Variants in HSD17B6 observed in about 807,000 individuals in gnomAD.
HSD17B6 encodes the protein hydroxysteroid 17-beta dehydrogenase 6, also known as 17-beta-hydroxysteroid dehydrogenase type 6.
HSD17B6 carries 16 observed loss-of-function variants against 26.4 expected under a neutral mutation model. The observed-to-expected ratio is 0.61, with a 90% CI of 0.41 to 0.92. HSD17B6 has a LOEUF of 0.92. HSD17B6 is among the 40% of genes least tolerant of loss of function. The probability of loss-of-function intolerance (pLI) is 0.00; values close to 1 mark genes in which losing one functional copy is unlikely to be tolerated. For missense variants in HSD17B6, 357 were observed against 386.1 expected, an observed-to-expected ratio of 0.92 and a Z score of 0.63; for synonymous variants, 139 against 153.0, an observed-to-expected ratio of 0.91 and a Z score of 0.68.
chr12:56,784,972 C>G lies in HSD17B6; in HGVS notation c.692C>G (p.Pro231Arg), dbSNP rs758900448. The change falls in exon 4 of 5, where the codon CCC becomes CGC. Residue 231 changes from proline to arginine, a missense_variant. Pro to Arg is a moderately radical substitution (Grantham distance 103). Transcript: ENST00000322165. ...ERMKQSWKEA[P>R]KHIKETYGQQ... ...ATGAAGCAAAGTTGGAAAGAAGCCC[C>G]CAAGCATATTAAGGAGACCTATGGA... The G allele has an allele frequency of 1.9e-6, 3 of 1,614,010 alleles. No individual in the cohort carries two copies. In the Admixed American group the frequency reaches 5.0e-5, roughly 27 times the overall value.
rs201098412 is a variant in HSD17B6, at chr12:56,773,968, C to T, written c.116C>T (p.Ser39Leu). 1.5e-4 allele frequency: 235 copies of T among 1,614,074 alleles called. 1 individual carries two copies. The highest frequency in any genetic ancestry group is 4.5e-4 in the East Asian group (20 of 44,890). ...DKYVFITGCD[S>L]GFGNLLARQL... The stretch of plus-strand genomic sequence containing the variant: ...TATGTCTTTATCACGGGCTGTGACT[C>T]GGGCTTTGGGAACCTGCTGGCCAGA... The change falls in exon 2 of 5, where the codon TCG becomes TTG. Residue 39 changes from serine (S) to leucine (L), a missense_variant. Coordinates refer to ENST00000322165, the MANE Select transcript of HSD17B6 (RefSeq NM_003725.4).
intron 1 of HSD17B6, among the ~76,000 whole-genome samples, chr12:56,772,797 C>G (rs1216016888): frequency 6.6e-6 from 1 of 151,604 alleles, no homozygotes; most frequent in Non-Finnish European, 1.5e-5. Flanking sequence ...GCGTAAAAAG[C>G]CTGTGCTTTG....
At chr12:56,771,932 C>T (rs146807748) in intron 1 of HSD17B6, among the ~76,000 whole-genome samples, 4 of 151,994 alleles carry the variant, frequency 2.6e-5, no homozygotes, top group African/African-American at 9.7e-5. Flanking sequence ...GTTTTATAAG[C>T]GTTTGGTAGT....
At chr12:56,782,341 T>C (rs1008893040) in intron 3 of HSD17B6, 109 bp downstream of exon 3, 24 of 1,012,610 alleles carry the variant, frequency 2.4e-5, no homozygotes, top group Non-Finnish European at 3.1e-5. Context: ...TCTTGATACA[T>C]AGATATTATT....
At chr12:56,769,955 G>C (rs955405001) in intron 1 of HSD17B6, among the ~76,000 whole-genome samples, 1 of 152,136 alleles carries the variant, frequency 6.6e-6, no homozygotes, top group Admixed American at 6.6e-5. Flanking sequence ...TCTCTAATGG[G>C]GGAAATACGT....
At chr12:56,777,820 A>AAC (rs1193912838) in intron 2 of HSD17B6, among the ~76,000 whole-genome samples, 2 of 152,164 alleles carry the variant, frequency 1.3e-5, no homozygotes, top group Non-Finnish European at 2.9e-5. Context: ...CCAGGAGTTC[A>AAC]ACACCAGCCT....
chr12:56,780,950 C>T (rs1248848671), intron 2 of HSD17B6, among the ~76,000 whole-genome samples: 1 of 151,272 alleles, frequency 6.6e-6, no homozygotes, highest in East Asian at 1.9e-4. Context: ...ATAAAATAGA[C>T]ATGTCAGGTT....
In HSD17B6 at chr12:56,787,185, A is replaced by C; in HGVS notation, c.797A>C (p.Asp266Ala). The C allele has an allele frequency of 6.2e-7, 1 of 1,614,242 alleles. No individual in the cohort carries two copies. Among genetic ancestry groups the C allele is most frequent in the Non-Finnish European group, 8.5e-7 (1 of 1,180,038 alleles). ...NCSTNLNLVT[D>A]CMEHALTSVH... ...AGCACAAACCTGAACCTGGTCACTGACTGCATGGAACATGCTCTGACATCG... is the reference window on the plus strand; with the variant it reads ...AGCACAAACCTGAACCTGGTCACTGCCTGCATGGAACATGCTCTGACATCG... The change falls in exon 5 of 5, where the codon GAC (aspartate) becomes GCC (alanine). Residue 266 changes from aspartate to alanine, a missense_variant. By Grantham distance (126) the Asp-to-Ala change is moderately radical. Coordinates refer to ENST00000322165, the MANE Select transcript of HSD17B6 (RefSeq NM_003725.4).
rs61350813 is a variant in HSD17B6, at chr12:56,767,642, ATAT to A, written c.-20+4232_-20+4234del. Reference sequence around the variant, plus strand: ...TATATAACATATATATTATATTAATATATTATATATATTATATATATAGTGTAT... The same window carrying A: ...TATATAACATATATATTATATTAATATATATATATTATATATATAGTGTAT... On this transcript the variant is annotated intron_variant, in intron 1 of 4. Transcript: ENST00000322165. Among the ~76,000 whole-genome samples the A allele has an allele frequency of 3.3e-3, 462 of 140,660 alleles. 3 individuals are homozygous for A. Among genetic ancestry groups the A allele is most frequent in the African/African-American group, 0.011 (433 of 38,498 alleles). 92.3% of individuals were successfully genotyped at this position (140,660 alleles called of 152,430 possible). A position where few individuals can be genotyped will look rare whatever the true frequency, so the allele number is the denominator to read the frequency against.
Position 56,787,213 on chromosome 12 carries a change from G to A in HSD17B6, c.825G>A (p.Val275=), listed in dbSNP as rs750203617. The A allele has an allele frequency of 6.2e-7, 1 of 1,614,134 alleles. No individual in the cohort carries two copies. Among genetic ancestry groups the A allele is most frequent in the Non-Finnish European group, 8.5e-7 (1 of 1,179,958 alleles). ...GCATGGAACATGCTCTGACATCGGT[G>A]CATCCGCGAACTCGATATTCAGCTG... ...TDCMEHALTS[V]HPRTRYSAGW... is the part of the protein sequence containing the mutation. Residue 275 remains valine (V), a synonymous_variant, in exon 5 of 5, where the codon GTG becomes GTA. Transcript: ENST00000322165.
chr12:56,779,226 C>T (rs1220008396), intron 2 of HSD17B6, among the ~76,000 whole-genome samples: 1 of 151,994 alleles, frequency 6.6e-6, no homozygotes. Flanking sequence ...TGTCGAATTC[C>T]TGGACTCAAG....
intron 3 of HSD17B6, among the ~76,000 whole-genome samples, chr12:56,783,237 A>G (rs1301450138): frequency 6.7e-6 from 1 of 149,062 alleles, no homozygotes; most frequent in East Asian, 2.0e-4. Context: ...GGCGCCCCTC[A>G]CCTCCCGGAC....
At chr12:56,782,354 T>C in intron 3 of HSD17B6, 122 bp downstream of exon 3, 3 of 939,444 alleles carry the variant, frequency 3.2e-6, no homozygotes, top group Non-Finnish European at 4.7e-6. Context: ...ATATTATTAC[T>C]AGTCTATTTT....
At chr12:56,764,525 C>G (rs1954281221) in intron 1 of HSD17B6, among the ~76,000 whole-genome samples, 1 of 152,184 alleles carries the variant, frequency 6.6e-6, no homozygotes, top group African/African-American at 2.4e-5. Context: ...TCCCATGGCA[C>G]AGTTTCCTTC....
chr12:56,763,803 T>C (rs1954257973), intron 1 of HSD17B6, among the ~76,000 whole-genome samples: 12 of 151,828 alleles, frequency 7.9e-5, no homozygotes, highest in Admixed American at 7.9e-4. Flanking sequence ...CCTTCTGTGA[T>C]TGGGCCAAGA....
At chr12:56,771,847 A>G (rs1267654491) in intron 1 of HSD17B6, among the ~76,000 whole-genome samples, 2 of 152,068 alleles carry the variant, frequency 1.3e-5, no homozygotes, top group African/African-American at 4.8e-5. Context: ...CTAGGTGTTT[A>G]GGGAGGAACC....
chr12:56,764,531 C>T (rs1040239069), intron 1 of HSD17B6, among the ~76,000 whole-genome samples: 8 of 152,150 alleles, frequency 5.3e-5, no homozygotes, highest in Admixed American at 2.0e-4. Context: ...GGCACAGTTT[C>T]CTTCTATGAA....
chr12:56,783,712 C>T (rs1234278677), intron 3 of HSD17B6, among the ~76,000 whole-genome samples: 31 of 147,066 alleles, frequency 2.1e-4, no homozygotes, highest in Non-Finnish European at 4.2e-4. Context: ...ACCTCCCTCC[C>T]GGACGGGACG....
At position 56,772,162 on chromosome 12, in the gene HSD17B6, G is replaced by A. The variant is rs149972867; in HGVS notation, c.-19-1672G>A. ...ACTTATATTTTATTCTCTCTAGGAA[G>A]CTTCTCAGACCTCTCTAAACTGCCT... is the stretch of plus-strand genomic sequence containing the variant. On this transcript the variant is annotated intron_variant, in intron 1 of 4. Coordinates refer to ENST00000322165, the MANE Select transcript of HSD17B6 (RefSeq NM_003725.4). Among the ~76,000 whole-genome samples the A allele has an allele frequency of 2.2e-4, 33 of 152,202 alleles. No individual in the cohort carries two copies. The East Asian group carries it at 6.4e-3, about 29-fold the overall frequency.
Sources: allele counts gnomAD v4.1 joint callset (sites outside exome capture counted in the v4.1 genomes callset), GRCh38; gene constraint gnomAD v4.1.1; transcripts MANE v1.5; gene names NCBI Gene and HGNC (gene_info 2026-07-23, HGNC 2026-07-21).